Variants in MAP2 observed in about 807,000 individuals in gnomAD.
MAP2 encodes microtubule-associated protein 2.
In MAP2, 14 loss-of-function variants were observed where a neutral mutation model predicts 137.6. The ratio of observed to expected loss-of-function variants is 0.10; its 90% confidence interval spans 0.07 to 0.16. The LOEUF (loss-of-function observed/expected upper bound fraction) is 0.16. Ranked by LOEUF, MAP2 falls within the 10% of genes least tolerant of loss-of-function variation. MAP2 has a pLI of 1.00. For missense variants in MAP2, 2,088 were observed against 2,191.5 expected (o/e 0.95, Z 0.94); for synonymous variants, 786 against 782.3 (o/e 1.00, Z -0.08).
intron 2 of MAP2, among the ~76,000 whole-genome samples, chr2:209,511,532 C>T (rs1453262613): frequency 6.6e-6 from 1 of 152,096 alleles, no homozygotes; most frequent in Non-Finnish European, 1.5e-5. Context: ...TAGATTAATT[C>T]ATGCTTTCTT....
chr2:209,622,728 G>A (rs945955958), intron 3 of MAP2, among the ~76,000 whole-genome samples: 1 of 151,994 alleles, frequency 6.6e-6, no homozygotes, highest in African/African-American at 2.4e-5. Flanking sequence ...TTAAAATTTC[G>A]TATGCCTTGT....
intron 2 of MAP2, among the ~76,000 whole-genome samples, chr2:209,562,608 A>G (rs969589161): frequency 1.3e-5 from 2 of 151,974 alleles, no homozygotes; most frequent in Non-Finnish European, 2.9e-5. Flanking sequence ...GAGGCAGGAG[A>G]GTCACTTGAA....
intron 1 of MAP2, among the ~76,000 whole-genome samples, chr2:209,500,136 C>T (rs1340409070): frequency 6.6e-6 from 1 of 152,198 alleles, no homozygotes; most frequent in Non-Finnish European, 1.5e-5. Context: ...AAGCACTCCC[C>T]TCTCTGATCC....
chr2:209,533,968 A>G (rs770762681), intron 2 of MAP2, among the ~76,000 whole-genome samples: 1 of 152,138 alleles, frequency 6.6e-6, no homozygotes, highest in Admixed American at 6.5e-5. Flanking sequence ...AGGGAATGGG[A>G]GTTGAGTGCT....
intron 10 of MAP2, 129 bp from the exon 11 acceptor site, chr2:209,700,148 C>T (rs913537343): frequency 1.1e-5 from 7 of 647,206 alleles, no homozygotes; most frequent in Non-Finnish European, 1.9e-5. Flanking sequence ...GAATTTGAGT[C>T]TCATAATAAG....
chr2:209,557,295 C>T (rs1314561844), intron 2 of MAP2, among the ~76,000 whole-genome samples: 2 of 152,228 alleles, frequency 1.3e-5, no homozygotes, highest in Non-Finnish European at 2.9e-5. Flanking sequence ...GAAGACTAAA[C>T]TTTAGTCCAG....
chr2:209,425,027 C>T (rs1244194509), intron 1 of MAP2, among the ~76,000 whole-genome samples: 1 of 151,410 alleles, frequency 6.6e-6, no homozygotes, highest in African/African-American at 2.4e-5. Flanking sequence ...TCCCCCACCT[C>T]GTCTTTTGTT....
intron 1 of MAP2, among the ~76,000 whole-genome samples, chr2:209,456,983 A>G (rs1701684425): frequency 6.6e-6 from 1 of 151,986 alleles, no homozygotes; most frequent in South Asian, 2.1e-4. Flanking sequence ...ACATGTACAC[A>G]CACAAACACA....
chr2:209,697,198 AT>A, intron 10 of MAP2, 147 bp downstream of exon 10: 1 of 728,624 alleles, frequency 1.4e-6, no homozygotes, highest in Non-Finnish European at 2.1e-6. Context: ...GTCTTGTATC[AT>A]TATTCTTTTT....
At chr2:209,632,457 A>G (rs887680287) in intron 4 of MAP2, among the ~76,000 whole-genome samples, 1 of 152,196 alleles carries the variant, frequency 6.6e-6, no homozygotes, top group Non-Finnish European at 1.5e-5. Flanking sequence ...TAAGTCAAGA[A>G]GAAAGAACGA....
intron 3 of MAP2, among the ~76,000 whole-genome samples, chr2:209,616,074 C>G (rs560244794): frequency 2.6e-5 from 4 of 152,180 alleles, no homozygotes; most frequent in Admixed American, 6.5e-5. Flanking sequence ...ATTCTTCTCC[C>G]TCTCCACGCT....
At position 209,692,942 on chromosome 2, in the gene MAP2, A is replaced by T. The variant is rs1170537641; in HGVS notation, c.772A>T (p.Thr258Ser). 1.2e-6 allele frequency: 2 copies of T among 1,613,914 alleles called. No homozygotes were observed. Among genetic ancestry groups the T allele is most frequent in the Non-Finnish European group, 1.7e-6 (2 of 1,179,984 alleles). ...CATTGACCTCCCTAAAGAGCCTCCAACTCCAAAAGAACAAAAGGACTGGTT... is the reference window on the plus strand; with the variant it reads ...CATTGACCTCCCTAAAGAGCCTCCATCTCCAAAAGAACAAAAGGACTGGTT... ...PGIDLPKEPP[T>S]PKEQKDWFIE... Residue 258 changes from threonine to serine, a missense_variant, in exon 8 of 16, where the codon ACT (threonine) becomes TCT (serine). Thr to Ser is a moderately conservative substitution (Grantham distance 58). Around this residue, in one of 6 missense-constraint regions of MAP2, gnomAD observed 859 missense variants for 794.5 expected, o/e 1.08. Transcript: ENST00000682079.
chr2:209,476,461 T>C (rs907435339), intron 1 of MAP2, among the ~76,000 whole-genome samples: 3 of 150,382 alleles, frequency 2.0e-5, no homozygotes, highest in African/African-American at 7.3e-5. Context: ...GGAAATACAA[T>C]GCTACTTGCC....
chr2:209,602,156 C>T (rs1161189976), intron 3 of MAP2, among the ~76,000 whole-genome samples: 3 of 152,006 alleles, frequency 2.0e-5, no homozygotes, highest in African/African-American at 4.8e-5. Context: ...TTTTTTAGTT[C>T]GAACAAGACT....
intron 3 of MAP2, among the ~76,000 whole-genome samples, chr2:209,580,307 G>A (rs149116256): frequency 6.2e-4 from 95 of 152,082 alleles, no homozygotes; most frequent in African/African-American, 2.2e-3. Context: ...TGTGTCTTTT[G>A]CCTATGTTGC....
At chr2:209,452,248 G>C (rs2149491595) in intron 1 of MAP2, among the ~76,000 whole-genome samples, 2 of 152,222 alleles carry the variant, frequency 1.3e-5, no homozygotes, top group Middle Eastern at 6.8e-3. Context: ...GTAGGGGAGA[G>C]GGTTGACCTA....
intron 2 of MAP2, among the ~76,000 whole-genome samples, chr2:209,541,635 T>G (rs1469245714): frequency 6.9e-6 from 1 of 144,340 alleles, no homozygotes; most frequent in African/African-American, 2.9e-5. Flanking sequence ...TCTAAATCCT[T>G]TGTTGTTATC....
chr2:209,677,370 GTAGA>G (rs1218027313), intron 5 of MAP2, among the ~76,000 whole-genome samples: 1 of 151,554 alleles, frequency 6.6e-6, no homozygotes, highest in Non-Finnish European at 1.5e-5. Flanking sequence ...AGATAGGTAG[GTAGA>G]TAGATGATAG....
At chr2:209,701,107 T>G (rs770416078) in intron 11 of MAP2, among the ~76,000 whole-genome samples, 11 of 152,002 alleles carry the variant, frequency 7.2e-5, no homozygotes, top group Non-Finnish European at 1.3e-4. Flanking sequence ...AATTATTGTT[T>G]CAAGAAAAAT....
Sources: allele counts gnomAD v4.1 joint callset (sites outside exome capture counted in the v4.1 genomes callset), GRCh38; gene constraint gnomAD v4.1.1; regional missense constraint gnomAD v4.1.1; transcripts MANE v1.5; gene names NCBI Gene and HGNC (gene_info 2026-07-23, HGNC 2026-07-21).